Variants in TRIM7 observed in about 807,000 individuals in gnomAD.
TRIM7 encodes tripartite motif containing 7, also known as E3 ubiquitin-protein ligase TRIM7.
A neutral mutation model predicts 37.9 loss-of-function variants in TRIM7; 32 were observed. That is an observed-to-expected ratio of 0.84 (90% CI 0.64 to 1.13). The LOEUF (loss-of-function observed/expected upper bound fraction) is 1.13, where lower values mean the gene tolerates loss of function less well. TRIM7 is among the 50% of genes most tolerant of loss of function. The pLI is 0.00. For synonymous variants in TRIM7, 351 were observed against 321.3 expected (o/e 1.09, Z -0.99); for missense variants, 732 against 714.0 (o/e 1.03, Z -0.29).
At chr5:181,199,146 C>T (rs1390970882) in intron 3 of TRIM7, 29 bp from the exon 4 acceptor site, 1 of 1,613,988 alleles carries the variant, frequency 6.2e-7, no homozygotes, top group Non-Finnish European at 8.5e-7. Context: ...GAAACCAAAT[C>T]AGCATCAGGT....
chr5:181,194,905 C>T lies in TRIM7; in HGVS notation c.*261G>A, dbSNP rs1756998578. The T allele has an allele frequency of 2.1e-5, 9 of 433,480 alleles. No homozygotes were observed. The highest frequency in any genetic ancestry group is 4.6e-5 in the South Asian group (1 of 21,710). 26.9% of individuals were successfully genotyped at this position (433,480 alleles called of 1,614,324 possible). A position where few individuals can be genotyped will look rare whatever the true frequency, so the allele number is the denominator to read the frequency against. ...TGGAGAGCTGGGCTCCTGACCTCAC[C>T]GGCCTCCACCTCCTGAAGGCTCTGG... On this transcript the variant is annotated 3_prime_UTR_variant, in exon 7 of 7. Transcript: ENST00000274773.
intron 2 of TRIM7, chr5:181,202,232 TGCAGTG>T (rs1412853231): frequency 1.3e-5 from 2 of 149,316 alleles, no homozygotes; most frequent in Admixed American, 6.8e-5. Context: ...CAGGCTGGAG[TGCAGTG>T]GCATGATCTT....
chr5:181,195,686 A>G lies in TRIM7; in HGVS notation c.1025-9T>C, dbSNP rs1757069781. On this transcript the variant is annotated splice_polypyrimidine_tract_variant and intron_variant, in intron 6 of 6. Transcript: ENST00000274773. ...ATCCAAGGTGAGCTCCACTGCAGAC[A>G]GAGACAGGGAGAAATGTCCCCACGC... 1.3e-6 allele frequency: 2 copies of G among 1,511,388 alleles called. No homozygotes were observed. Among genetic ancestry groups the G allele is most frequent in the Non-Finnish European group, 1.8e-6 (2 of 1,128,474 alleles). The allele number at this position is 1,511,388 out of a possible 1,614,324, so 93.6% of individuals were successfully genotyped here.
chr5:181,198,882 G>A, intron 4 of TRIM7, 77 bp from the exon 5 acceptor site: 1 of 1,262,264 alleles, frequency 7.9e-7, no homozygotes, highest in Non-Finnish European at 1.1e-6. Context: ...GGATGGCGAG[G>A]TCCTCTTGGC....
In TRIM7 at chr5:181,203,562, CCTT is replaced by C. The variant is rs1757639592; in HGVS notation, c.598_600del (p.Lys200del). On this transcript the variant is annotated inframe_deletion, in exon 2 of 7. Transcript: ENST00000274773. Reference sequence around the variant, plus strand: ...TGGCTCACCAGCAGCTCCTTGCTCTCCTTCTTTTCCGTGGACCGGAACACCTCA... The same window carrying C: ...TGGCTCACCAGCAGCTCCTTGCTCTCCTTTTCCGTGGACCGGAACACCTCA... 6.2e-6 allele frequency: 10 copies of C among 1,614,088 alleles called. No individual in the cohort carries two copies. Among genetic ancestry groups the C allele is most frequent in the African/African-American group, 4.0e-5 (3 of 74,918 alleles).
At position 181,198,771 on chromosome 5, in the gene TRIM7, CTGTGGT is replaced by C; in HGVS notation, c.901_906del (p.Thr301_Thr302del). 6.2e-7 allele frequency: 1 copy of C among 1,614,130 alleles called. No individual in the cohort carries two copies. The highest frequency in any genetic ancestry group is 8.5e-7 in the Non-Finnish European group (1 of 1,180,000). On this transcript the variant is annotated inframe_deletion, in exon 5 of 7. Transcript: ENST00000274773. The stretch of plus-strand genomic sequence containing the variant: ...ACTTTATTCTTCATCTCAGAAGAGA[CTGTGGT>C]TGGCTTGGGGCCAGGCACATTGCTA...
Position 181,195,605 on chromosome 5 carries a change from A to T in TRIM7, c.1097T>A (p.Leu366His). The T allele has an allele frequency of 6.3e-7, 1 of 1,585,860 alleles. No individual in the cohort carries two copies. Among genetic ancestry groups the T allele is most frequent in the African/African-American group, 1.3e-5 (1 of 74,238 alleles). ...ILSLDLKGVR[L>H]GERAQDLPNH... ...GGGCAGGTCCTGGGCCCGCTCGCCG[A>T]GGCGCACGCCCTTAAGATCCAGAGA... Residue 366 changes from leucine (L) to histidine (H), a missense_variant, in exon 7 of 7, where the codon CTC becomes CAC. Coordinates refer to ENST00000274773, the MANE Select transcript of TRIM7 (RefSeq NM_203293.3).
At chr5:181,198,487 C>A (rs12659710) in intron 5 of TRIM7, among the ~76,000 whole-genome samples, 8,098 of 152,242 alleles carry the variant, frequency 0.053, 399 homozygotes, top group East Asian at 0.28. Context: ...CCCTCTACCC[C>A]ATCTGTGCCC....
rs1756958205 is a variant in TRIM7 at position 181,194,135 on chromosome 5, T to TC, written c.*1030dup. On this transcript the variant is annotated 3_prime_UTR_variant, in exon 7 of 7. Transcript: ENST00000274773. ...CCAGGGTGCTCTGCTGTTGGCATTT[T>TC]CCTGAGTCCGTCAGGAGCATATTTG... is the stretch of plus-strand genomic sequence containing the variant. The TC allele has an allele frequency of 6.6e-6, 1 of 152,322 alleles. No homozygotes were observed. Among genetic ancestry groups the TC allele is most frequent in the Non-Finnish European group, 1.5e-5 (1 of 68,072 alleles). 9.4% of individuals were successfully genotyped at this position (152,322 alleles called of 1,614,324 possible). A position where few individuals can be genotyped will look rare whatever the true frequency, so the allele number is the denominator to read the frequency against.
intron 6 of TRIM7, 175 bp from the exon 7 acceptor site, chr5:181,195,852 T>C (rs960936423): frequency 4.1e-6 from 3 of 735,698 alleles, no homozygotes; most frequent in Non-Finnish European, 6.1e-6. Context: ...AGATTTTGCT[T>C]CCCCCCGCCC....
Position 181,195,508 on chromosome 5 carries a change from G to A in TRIM7, c.1194C>T (p.His398=). The A allele has an allele frequency of 6.2e-7, 1 of 1,612,806 alleles. No individual in the cohort carries two copies. The highest frequency in any genetic ancestry group is 1.1e-5 in the South Asian group (1 of 91,076). ...CCTTAGAGCCCACCTCCACCTCCCA[G>A]TGATGCCGGCCCGAGGAGAAGCCGC... The part of the protein sequence containing the change: ...ASCGFSSGRH[H]WEVEVGSKDG... Residue 398 remains histidine, a synonymous_variant, in exon 7 of 7, where the codon CAC becomes CAT. Transcript: ENST00000274773.
At chr5:181,198,993 G>T (rs903898238) in intron 4 of TRIM7, 102 bp downstream of exon 4, 10 of 1,494,390 alleles carry the variant, frequency 6.7e-6, no homozygotes, top group Non-Finnish European at 9.3e-6. Flanking sequence ...GCAAGTCGGG[G>T]GATCAGGAGG....
At chr5:181,204,483 C>T (rs1757698616) in intron 1 of TRIM7, 106 bp downstream of exon 1, 1 of 1,223,824 alleles carries the variant, frequency 8.2e-7, no homozygotes, top group East Asian at 3.2e-5. Flanking sequence ...AGGGGCTCAC[C>T]CGGGCCTCCT....
At position 181,195,640 on chromosome 5, in the gene TRIM7, G is replaced by A; in HGVS notation, c.1062C>T (p.Arg354=). The change falls in exon 7 of 7, where the codon CGC becomes CGT. Residue 354 remains arginine (R), a synonymous_variant. Transcript: ENST00000274773. ...LTLDPDTANP[R]LILSLDLKGV... ...CCTTAAGATCCAGAGAGAGGATGAG[G>A]CGCGGGTTGGCCGTGTCGGGATCCA... 2 of 1,536,614 alleles carry A rather than the reference G, an allele frequency of 1.3e-6. No individual in the cohort carries two copies. Among genetic ancestry groups the A allele is most frequent in the Non-Finnish European group, 1.8e-6 (2 of 1,138,596 alleles).
At chr5:181,201,547 G>A (rs1757483031) in intron 2 of TRIM7, among the ~76,000 whole-genome samples, 1 of 152,134 alleles carries the variant, frequency 6.6e-6, no homozygotes, top group Non-Finnish European at 1.5e-5. Context: ...TTGAGCCCAC[G>A]AGTTCCAGAC....
Position 181,195,333 on chromosome 5 carries a change from G to A in TRIM7, c.1369C>T (p.His457Tyr). The A allele has an allele frequency of 1.3e-6, 2 of 1,588,872 alleles. No homozygotes were observed. Among genetic ancestry groups the A allele is most frequent in the Non-Finnish European group, 1.7e-6 (2 of 1,168,152 alleles). The change falls in exon 7 of 7, where the codon CAC becomes TAC. Residue 457 changes from histidine (H) to tyrosine (Y), a missense_variant. Physicochemically the swap from His to Tyr is moderately conservative, Grantham distance 83. Coordinates refer to ENST00000274773, the MANE Select transcript of TRIM7 (RefSeq NM_203293.3). ...SPERSPLSCGHLSRVRVALDL... is the reference protein window; with the variant it reads ...SPERSPLSCGYLSRVRVALDL... ...AGGGCCACCCGCACGCGCGACAGGTGCCCGCAGCTGAGGGGCGACCGCTCG... is the reference window on the plus strand; with the variant it reads ...AGGGCCACCCGCACGCGCGACAGGTACCCGCAGCTGAGGGGCGACCGCTCG...
In TRIM7 at chr5:181,195,265, G is replaced by A. The variant is rs1178435127; in HGVS notation, c.1437C>T (p.Asp479=). ...VGAVSFYAVE[D]MRHLYTFRVN... is the part of the protein sequence containing the mutation. ...CGCGGAAGGTGTAGAGGTGGCGCAT[G>A]TCCTCCACAGCGTAGAAGGACACGG... Residue 479 remains aspartate (D), a synonymous_variant, in exon 7 of 7, where the codon GAC becomes GAT. Coordinates refer to ENST00000274773, the MANE Select transcript of TRIM7 (RefSeq NM_203293.3). 2.5e-6 allele frequency: 4 copies of A among 1,610,950 alleles called. No homozygotes were observed. The highest frequency in any genetic ancestry group is 3.4e-6 in the Non-Finnish European group (4 of 1,178,754).
chr5:181,201,950 T>C (rs142637081), intron 2 of TRIM7, among the ~76,000 whole-genome samples: 2 of 152,212 alleles, frequency 1.3e-5, no homozygotes, highest in African/African-American at 4.8e-5. Flanking sequence ...GATGAAGGTC[T>C]AGAGGGTGAG....
At chr5:181,200,480 T>C (rs1757415096) in intron 2 of TRIM7, 1 of 1,126,888 alleles carries the variant, frequency 8.9e-7, no homozygotes, top group Non-Finnish European at 1.1e-6. Flanking sequence ...GCACATTTAT[T>C]TCATCACCCT....
Sources: allele counts gnomAD v4.1 joint callset (sites outside exome capture counted in the v4.1 genomes callset), GRCh38; gene constraint gnomAD v4.1.1; transcripts MANE v1.5; gene names NCBI Gene and HGNC (gene_info 2026-07-23, HGNC 2026-07-21).